SULF2: variants seen among roughly 807,000 people sequenced by gnomAD.
SULF2 encodes the protein sulfatase 2.
Under a neutral mutation model 107.7 loss-of-function variants are expected in SULF2, and 52 were observed. That is an observed-to-expected ratio of 0.48 (90% CI 0.39 to 0.61). SULF2 has a LOEUF of 0.61. Ranked by LOEUF, SULF2 falls within the 20% of genes least tolerant of loss-of-function variation. SULF2 has a pLI of 0.00. For missense variants in SULF2, 993 were observed against 1,177.3 expected, an observed-to-expected ratio of 0.84 and a Z score of 2.29; for synonymous variants, 460 against 464.3, an observed-to-expected ratio of 0.99 and a Z score of 0.12.
chr20:47,682,719 A>G (rs1298969206), intron 7 of SULF2, among the ~76,000 whole-genome samples: 1 of 152,134 alleles, frequency 6.6e-6, no homozygotes, highest in Admixed American at 6.5e-5. Flanking sequence ...CGCTGGTGAC[A>G]TGCATGTGCG....
rs139648767 is a variant in SULF2 at position 47,754,523 on chromosome 20, G to A, written c.175+2666C>T. On this transcript the variant is annotated intron_variant, in intron 2 of 20. Coordinates refer to ENST00000688720, the MANE Select transcript of SULF2 (RefSeq NM_001387048.1). ...AAACCCAGTGCTGCTGGTGGAAGAG[G>A]TCTGGCTTGTTTATAGAGGGCAAGA... 1.6e-3 allele frequency among the ~76,000 whole-genome samples: 244 copies of A among 148,368 alleles called. 1 individual carries two copies. The highest frequency in any genetic ancestry group is 5.9e-3 in the African/African-American group (239 of 40,198).
At position 47,666,153 on chromosome 20, in the gene SULF2, C is replaced by A. The variant is rs2087260654; in HGVS notation, c.1805+107G>T. On this transcript the variant is annotated intron_variant, in intron 12 of 20. Transcript: ENST00000688720. The surrounding 1 kb of genome is among the most constrained non-coding windows in gnomAD (Gnocchi z 5.4). ...GAAGGCCTCCAGTGCCACTGAAGTC[C>A]CCACCATCCTTGTCATCTTGGTCCT... 6.2e-7 allele frequency: 1 copy of A among 1,610,552 alleles called. No homozygotes were observed. The highest frequency in any genetic ancestry group is 8.5e-7 in the Non-Finnish European group (1 of 1,179,322).
At chr20:47,695,428 A>C (rs2088342312) in intron 4 of SULF2, among the ~76,000 whole-genome samples, 1 of 152,190 alleles carries the variant, frequency 6.6e-6, no homozygotes, top group South Asian at 2.1e-4. Context: ...CATCTTGAAC[A>C]GGAACTCCCC....
Position 47,682,491 on chromosome 20 carries a change from A to G in SULF2, c.1064+503T>C, listed in dbSNP as rs114993961. Among the ~76,000 whole-genome samples the G allele has an allele frequency of 5.6e-3, 850 of 152,348 alleles. 10 individuals carry two copies. The highest frequency in any genetic ancestry group is 0.018 in the African/African-American group (745 of 41,572). ...GCCAGAACATGTCAACTCAAAGGTT[A>G]GCCCGAGGAGAATGGCTGGCTGAGG... is the stretch of plus-strand genomic sequence containing the variant. On this transcript the variant is annotated intron_variant, in intron 7 of 20. Coordinates refer to ENST00000688720, the MANE Select transcript of SULF2 (RefSeq NM_001387048.1).
At chr20:47,729,487 G>A (rs1487199989) in intron 3 of SULF2, among the ~76,000 whole-genome samples, 2 of 152,212 alleles carry the variant, frequency 1.3e-5, no homozygotes, top group Non-Finnish European at 2.9e-5. Context: ...GGAAGACAGT[G>A]GCGCGGATGG....
chr20:47,673,090 ATC>A (rs2087529890), intron 10 of SULF2, among the ~76,000 whole-genome samples: 1 of 152,054 alleles, frequency 6.6e-6, no homozygotes, highest in African/African-American at 2.4e-5. Context: ...CACTGTCCAA[ATC>A]TCTCGTGTTG....
rs1181734495 is a variant in SULF2 at position 47,701,254 on chromosome 20, C to T, written c.567+1265G>A. ...CCACGCTGTCAGAAGTCAGAGTAGA[C>T]GTCATCCCCAGGGTGGGGGGTCATG... On this transcript the variant is annotated intron_variant, in intron 4 of 20. Coordinates refer to ENST00000688720, the MANE Select transcript of SULF2 (RefSeq NM_001387048.1). Among the ~76,000 whole-genome samples the T allele has an allele frequency of 2.0e-5, 3 of 152,292 alleles. No homozygotes were observed. In the South Asian group the frequency reaches 6.2e-4, roughly 32 times the overall value.
intron 2 of SULF2, among the ~76,000 whole-genome samples, chr20:47,742,479 G>A (rs1260969138): frequency 6.6e-6 from 1 of 152,128 alleles, no homozygotes; most frequent in Non-Finnish European, 1.5e-5. Context: ...CTGATGGGCT[G>A]GAGAGGCCTC....
Position 47,665,909 on chromosome 20 carries a change from A to G in SULF2, c.1850T>C (p.Leu617Pro). 6.2e-7 allele frequency: 1 copy of G among 1,614,078 alleles called. No individual in the cohort carries two copies. Among genetic ancestry groups the G allele is most frequent in the Non-Finnish European group, 8.5e-7 (1 of 1,180,020 alleles). Reference sequence around the variant, plus strand: ...TTTCCAGGCCTGCAGGGACTTGTACAGGTCCAGGTCACACTGGACTGTGTC... The same window carrying G: ...TTTCCAGGCCTGCAGGGACTTGTACGGGTCCAGGTCACACTGGACTGTGTC... Reference protein sequence around the residue: ...ENDTVQCDLDLYKSLQAWKDH... With the variant: ...ENDTVQCDLDPYKSLQAWKDH... The change falls in exon 13 of 21, where the codon CTG (leucine) becomes CCG (proline). Residue 617 changes from leucine to proline, a missense_variant. Transcript: ENST00000688720.
intron 2 of SULF2, among the ~76,000 whole-genome samples, chr20:47,755,021 A>AT (rs2090248117): frequency 1.2e-5 from 1 of 80,270 alleles, no homozygotes; most frequent in Admixed American, 1.1e-4. Flanking sequence ...TTTTGTTAAG[A>AT]CGGGGGGGGT....
chr20:47,753,623 G>A (rs2090212162), intron 2 of SULF2, among the ~76,000 whole-genome samples: 1 of 152,214 alleles, frequency 6.6e-6, no homozygotes, highest in Non-Finnish European at 1.5e-5. Context: ...GAATTTGGAG[G>A]TTCCTTTTAA....
upstream of SULF2, chr20:47,785,540 G>GCCGCCA (rs1187328216): frequency 7.3e-6 from 1 of 137,590 alleles, no homozygotes; most frequent in Non-Finnish European, 1.6e-5. Context: ...CCCCAACGCC[G>GCCGCCA]CCGCCACCGC....
chr20:47,661,863 C>T lies in SULF2; in HGVS notation c.2404G>A (p.Val802Ile), dbSNP rs2087086030. 2 of 1,589,962 alleles carry T rather than the reference C, an allele frequency of 1.3e-6. No individual in the cohort carries two copies. The highest frequency in any genetic ancestry group is 1.7e-5 in the Admixed American group (1 of 58,450). The change falls in exon 18 of 21, where the codon GTC (valine) becomes ATC (isoleucine). Residue 802 changes from valine to isoleucine, a missense_variant. Around this residue, in one of 3 missense-constraint regions of SULF2, gnomAD observed 497 missense variants for 544.1 expected, o/e 0.91. Coordinates refer to ENST00000688720, the MANE Select transcript of SULF2 (RefSeq NM_001387048.1). ...MNAVNTLDRD[V>I]LNQLHVQLME... ...AGCTGTACGTGTAGCTGGTTGAGGA[C>T]ATCCCTGTCCAGTGTGTTCACTGCA...
At chr20:47,695,652 C>T (rs528939374) in intron 4 of SULF2, among the ~76,000 whole-genome samples, 131 of 152,296 alleles carry the variant, frequency 8.6e-4, no homozygotes, top group African/African-American at 2.8e-3. Context: ...CTCGCTCTGT[C>T]GGCCAGGCTG....
chr20:47,673,572 CCT>C (rs775972585), intron 10 of SULF2, among the ~76,000 whole-genome samples: 4 of 152,278 alleles, frequency 2.6e-5, no homozygotes, highest in Admixed American at 6.5e-5. Context: ...TCATCTTGCC[CCT>C]GTCCCGCCCA....
chr20:47,672,921 C>T (rs2087525036), intron 10 of SULF2, among the ~76,000 whole-genome samples: 1 of 152,192 alleles, frequency 6.6e-6, no homozygotes, highest in African/African-American at 2.4e-5. Context: ...TTTCTCCAGC[C>T]CTTCCTGCTG....
chr20:47,665,002 C>T (rs1166095555), intron 14 of SULF2, among the ~76,000 whole-genome samples, 197 bp downstream of exon 14: 1 of 152,238 alleles, frequency 6.6e-6, no homozygotes, highest in Non-Finnish European at 1.5e-5. Flanking sequence ...AATCTGGGCG[C>T]CAGCCTGGCT....
intron 3 of SULF2, among the ~76,000 whole-genome samples, chr20:47,730,370 G>A (rs192171927): frequency 7.2e-5 from 11 of 152,364 alleles, no homozygotes; most frequent in African/African-American, 2.4e-4. Context: ...GGTGTGGAAG[G>A]AGAAAGGCAT....
intron 5 of SULF2, among the ~76,000 whole-genome samples, chr20:47,687,390 G>T (rs2088044389): frequency 6.6e-6 from 1 of 152,184 alleles, no homozygotes; most frequent in Non-Finnish European, 1.5e-5. Flanking sequence ...CAGCATCCGA[G>T]GAATATCTGG....
Sources: gnomAD v4.1 joint callset for allele counts (sites outside exome capture counted in the v4.1 genomes callset) on GRCh38, gnomAD v4.1.1 for gene constraint, gnomAD v4.1.1 regional missense constraint, Gnocchi (gnomAD v3.1) non-coding constraint, MANE v1.5 for transcripts, NCBI Gene and HGNC (gene_info 2026-07-23, HGNC 2026-07-21) for gene names.